Variants in RSU1 observed in about 807,000 individuals in gnomAD.
The protein encoded by RSU1 is Ras suppressor protein 1.
Under a neutral mutation model 31.1 loss-of-function variants are expected in RSU1, and 26 were observed. The ratio of observed to expected loss-of-function variants is 0.84; its 90% CI spans 0.61 to 1.16. The LOEUF is 1.16. RSU1 is among the 50% of genes most tolerant of loss of function. The probability of loss-of-function intolerance (pLI) is 0.00; values close to 1 mark genes in which losing one functional copy is unlikely to be tolerated. For synonymous variants in RSU1, 164 were observed against 136.3 expected, an observed-to-expected ratio of 1.20 and a Z score of -1.41; for missense variants, 320 against 339.1, an observed-to-expected ratio of 0.94 and a Z score of 0.44.
intron 8 of RSU1, among the ~76,000 whole-genome samples, chr10:16,663,248 C>A (rs45449391): frequency 2.6e-5 from 4 of 152,260 alleles, no homozygotes; most frequent in East Asian, 3.9e-4. Context: ...AAGGGCCCTA[C>A]GTGCTCCTGT....
chr10:16,703,986 T>TG (rs1835845427), intron 7 of RSU1, among the ~76,000 whole-genome samples: 1 of 133,616 alleles, frequency 7.5e-6, no homozygotes, highest in Non-Finnish European at 1.8e-5. Context: ...AGGTCTTGGG[T>TG]GAAGCCCTAG....
At chr10:16,603,863 AT>A (rs1833753234) in intron 8 of RSU1, among the ~76,000 whole-genome samples, 1 of 152,236 alleles carries the variant, frequency 6.6e-6, no homozygotes, top group Non-Finnish European at 1.5e-5. Context: ...ACACAAACCT[AT>A]TCATAAATAT....
chr10:16,783,392 T>C (rs982557289), intron 2 of RSU1, among the ~76,000 whole-genome samples: 10 of 137,694 alleles, frequency 7.3e-5, no homozygotes, highest in Non-Finnish European at 1.3e-4. Context: ...AGTCTCACTC[T>C]GTCACCAGTT....
intron 8 of RSU1, among the ~76,000 whole-genome samples, chr10:16,624,216 GTGTC>G (rs1366694731): frequency 7.1e-6 from 1 of 140,324 alleles, no homozygotes; most frequent in African/African-American, 3.0e-5. Flanking sequence ...ATGTGTGTGT[GTGTC>G]TGTAAGTGTG....
At chr10:16,642,064 T>C (rs1834451866) in intron 8 of RSU1, among the ~76,000 whole-genome samples, 1 of 152,200 alleles carries the variant, frequency 6.6e-6, no homozygotes, top group South Asian at 2.1e-4. Context: ...GCTCTTGATT[T>C]TTTTAGGATA....
chr10:16,629,926 A>ACTGTTATAACAGCCACC (rs1834220398), intron 8 of RSU1, among the ~76,000 whole-genome samples: 1 of 152,170 alleles, frequency 6.6e-6, no homozygotes, highest in South Asian at 2.1e-4. Flanking sequence ...TATTTTTTAT[A>ACTGTTATAACAGCCACC]CTGTTATAAC....
At chr10:16,731,219 G>T (rs377020211) in intron 7 of RSU1, among the ~76,000 whole-genome samples, 5 of 152,104 alleles carry the variant, frequency 3.3e-5, no homozygotes, top group African/African-American at 9.6e-5. Flanking sequence ...GTGGCTCAAA[G>T]CTTCTACTGT....
intron 8 of RSU1, among the ~76,000 whole-genome samples, chr10:16,648,398 CA>C (rs1834615639): frequency 6.6e-6 from 1 of 152,188 alleles, no homozygotes; most frequent in African/African-American, 2.4e-5. Context: ...CCTGATTTCT[CA>C]AATGCTAATG....
chr10:16,669,233 G>A (rs979858174), intron 8 of RSU1, among the ~76,000 whole-genome samples: 1 of 151,368 alleles, frequency 6.6e-6, no homozygotes, highest in Non-Finnish European at 1.5e-5. Context: ...AAAAATTCAG[G>A]GCATTAAAAT....
intron 7 of RSU1, among the ~76,000 whole-genome samples, chr10:16,728,857 T>C (rs955207402): frequency 6.6e-6 from 1 of 152,192 alleles, no homozygotes; most frequent in Non-Finnish European, 1.5e-5. Flanking sequence ...AGGCACTCAC[T>C]AGAAGCTGAG....
intron 7 of RSU1, among the ~76,000 whole-genome samples, chr10:16,720,583 C>T (rs187077542): frequency 7.2e-5 from 11 of 152,264 alleles, no homozygotes; most frequent in South Asian, 4.1e-4. Context: ...TTTTCTCATG[C>T]GCTAGAGTTT....
rs558956793 is a variant in RSU1, at chr10:16,735,693, C to T, written c.598+16846G>A. On this transcript the variant is annotated intron_variant, in intron 7 of 8. Coordinates refer to ENST00000345264, the MANE Select transcript of RSU1 (RefSeq NM_012425.4). ...GGGGAAGCAAACATGTCCTTCTTCA[C>T]GTAGCGGCAGCAAGGAGAGGTGCCA... 5.3e-5 allele frequency among the ~76,000 whole-genome samples: 8 copies of T among 152,174 alleles called. No individual in the cohort carries two copies. In the East Asian group the frequency reaches 5.8e-4, roughly 11 times the overall value.
At chr10:16,608,846 T>C (rs1218000903) in intron 8 of RSU1, among the ~76,000 whole-genome samples, 1 of 152,194 alleles carries the variant, frequency 6.6e-6, no homozygotes, top group Non-Finnish European at 1.5e-5. Flanking sequence ...TTCATCCATT[T>C]CCTCCTAGTT....
intron 8 of RSU1, among the ~76,000 whole-genome samples, chr10:16,594,886 G>C (rs1833585721): frequency 6.7e-6 from 1 of 150,074 alleles, no homozygotes; most frequent in African/African-American, 2.5e-5. Flanking sequence ...CCAGGTTCAA[G>C]CAATTCTCCT....
Position 16,617,754 on chromosome 10 carries a change from T to C in RSU1, c.732-24258A>G, listed in dbSNP as rs183533217. Among the ~76,000 whole-genome samples the C allele has an allele frequency of 4.2e-3, 642 of 152,362 alleles. 6 individuals carry two copies. The highest frequency in any genetic ancestry group is 0.014 in the South Asian group (68 of 4,830). ...GGGAAAGGATTCCCTATTTCATTAA[T>C]GGTGCTGTGAAAACTGGCTAGCCAT... On this transcript the variant is annotated intron_variant, in intron 8 of 8. Transcript: ENST00000345264.
intron 8 of RSU1, among the ~76,000 whole-genome samples, chr10:16,610,641 A>G (rs1285068731): frequency 6.6e-6 from 1 of 152,214 alleles, no homozygotes; most frequent in Non-Finnish European, 1.5e-5. Flanking sequence ...GCAGGAAAAT[A>G]AGCTCAGGGC....
chr10:16,688,167 T>C (rs983147929), intron 8 of RSU1, among the ~76,000 whole-genome samples: 1 of 152,192 alleles, frequency 6.6e-6, no homozygotes, highest in Non-Finnish European at 1.5e-5. Flanking sequence ...ATACCCCAAA[T>C]ATATTATATG....
rs71200966 is a variant in RSU1, at chr10:16,682,574, G to GCACACACACACACACACA, written c.731+12448_731+12449insTGTGTGTGTGTGTGTGTG. 2.9e-3 allele frequency among the ~76,000 whole-genome samples: 396 copies of GCACACACACACACACACA among 138,260 alleles called. 15 individuals carry two copies. The highest frequency in any genetic ancestry group is 7.3e-3 in the African/African-American group (262 of 35,954). The allele number at this position is 138,260 out of a possible 152,430, so 90.7% of individuals were successfully genotyped here. A position where few individuals can be genotyped will look rare whatever the true frequency, so the allele number is the denominator to read the frequency against. On this transcript the variant is annotated intron_variant, in intron 8 of 8. Transcript: ENST00000345264. ...CACACACACACACACACACACACAT[G>GCACACACACACACACACA]CATGCATGTTACCTAGGGTGGACAT... is the stretch of plus-strand genomic sequence containing the variant.
chr10:16,741,617 G>T (rs1219221699), intron 7 of RSU1, among the ~76,000 whole-genome samples: 7 of 152,146 alleles, frequency 4.6e-5, no homozygotes, highest in African/African-American at 1.7e-4. Flanking sequence ...AGTGAGTGAG[G>T]GTGATAAGTA....
Sources: gnomAD v4.1 joint callset for allele counts (sites outside exome capture counted in the v4.1 genomes callset) on GRCh38, gnomAD v4.1.1 for gene constraint, MANE v1.5 for transcripts, NCBI Gene and HGNC (gene_info 2026-07-23, HGNC 2026-07-21) for gene names.